Variants in SNX27 observed in about 807,000 individuals in gnomAD.
SNX27 encodes the protein sorting nexin 27, also known as sorting nexin-27.
A neutral mutation model predicts 71.6 loss-of-function variants in SNX27; 22 were observed. That is an observed-to-expected ratio of 0.31 (90% CI 0.22 to 0.44). The LOEUF (loss-of-function observed/expected upper bound fraction) is 0.44, where lower values mean the gene tolerates loss of function less well. SNX27 is among the 20% of genes least tolerant of loss of function. The pLI is 1.00. For synonymous variants in SNX27, 269 were observed against 277.2 expected (o/e 0.97, Z 0.29); for missense variants, 531 against 698.6 (o/e 0.76, Z 2.70).
At chr1:151,660,016 ACTT>A (rs1422108106) in intron 3 of SNX27, 1 of 152,156 alleles carries the variant, frequency 6.6e-6, no homozygotes, top group African/African-American at 2.4e-5. Context: ...AGGTAGTGGA[ACTT>A]CTTTATCTGT....
chr1:151,660,764 G>T, intron 3 of SNX27, 34 bp from the exon 4 acceptor site: 2 of 1,506,622 alleles, frequency 1.3e-6, no homozygotes, highest in South Asian at 2.3e-5. Context: ...TGATTTTAAG[G>T]CCTTATGCCA....
chr1:151,626,044 A>G (rs1280403034), intron 1 of SNX27, among the ~76,000 whole-genome samples: 1 of 152,054 alleles, frequency 6.6e-6, no homozygotes, highest in Non-Finnish European at 1.5e-5. Context: ...CAGGAGAATG[A>G]CATGAACCCA....
intron 2 of SNX27, among the ~76,000 whole-genome samples, chr1:151,657,311 G>T (rs139980192): frequency 1.3e-5 from 2 of 152,138 alleles, no homozygotes; most frequent in East Asian, 1.9e-4. Flanking sequence ...GACTACAGGC[G>T]CATGCCACCA....
chr1:151,653,116 A>G (rs928813877), intron 2 of SNX27, among the ~76,000 whole-genome samples: 4 of 151,928 alleles, frequency 2.6e-5, no homozygotes, highest in Non-Finnish European at 5.9e-5. Flanking sequence ...TAGTAGAGAC[A>G]GGGTTTCTCC....
In SNX27 at chr1:151,698,408, G is replaced by A. The variant is rs1671881912; in HGVS notation, c.*3991G>A. ...TGCTCTCCCTTCTCGCCATCATACT[G>A]TTTGGCTAGATTCATTCAGCAGTAG... On this transcript the variant is annotated 3_prime_UTR_variant, in exon 12 of 12. Transcript: ENST00000458013. The A allele has an allele frequency of 6.6e-6, 1 of 152,632 alleles. No individual in the cohort carries two copies. Among genetic ancestry groups the A allele is most frequent in the African/African-American group, 2.4e-5 (1 of 41,446 alleles). 9.5% of individuals were successfully genotyped at this position (152,632 alleles called of 1,614,324 possible).
At chr1:151,681,038 G>A (rs1297698992) in intron 7 of SNX27, among the ~76,000 whole-genome samples, 7 of 151,876 alleles carry the variant, frequency 4.6e-5, no homozygotes, top group African/African-American at 7.3e-5. Context: ...ATCCTTGTAC[G>A]GTTCTTAGAA....
intron 8 of SNX27, among the ~76,000 whole-genome samples, 163 bp from the exon 9 acceptor site, chr1:151,692,272 G>A (rs987213139): frequency 1.3e-5 from 2 of 152,114 alleles, no homozygotes; most frequent in Non-Finnish European, 2.9e-5. Flanking sequence ...CCAACTTAGA[G>A]ATGGGTGTGA....
chr1:151,688,857 T>G (rs1177911248), intron 8 of SNX27, among the ~76,000 whole-genome samples: 1 of 152,084 alleles, frequency 6.6e-6, no homozygotes, highest in Non-Finnish European at 1.5e-5. Flanking sequence ...GTTTCTTCTT[T>G]GAGGCTTTGT....
intron 1 of SNX27, among the ~76,000 whole-genome samples, chr1:151,623,783 A>G (rs956867599): frequency 1.3e-5 from 2 of 152,136 alleles, no homozygotes; most frequent in African/African-American, 2.4e-5. Context: ...CTAGAACTAT[A>G]GGGTTGCTCT....
chr1:151,666,058 G>A lies in SNX27; in HGVS notation c.985+47G>A, dbSNP rs754214316. 9 of 1,453,040 alleles carry A rather than the reference G, an allele frequency of 6.2e-6. No homozygotes were observed. In the East Asian group the frequency reaches 2.1e-4, roughly 33 times the overall value. 90.0% of individuals were successfully genotyped at this position (1,453,040 alleles called of 1,614,324 possible). A position where few individuals can be genotyped will look rare whatever the true frequency, so the allele number is the denominator to read the frequency against. On this transcript the variant is annotated intron_variant, in intron 6 of 11. Coordinates refer to ENST00000458013, the MANE Select transcript of SNX27 (RefSeq NM_001330723.2). ...TAAGTTTTGTTTTCTAATACTATGA[G>A]AAAGAAACATTTACCTAGAGAAGAG...
chr1:151,656,219 G>C (rs1390433209), intron 2 of SNX27, among the ~76,000 whole-genome samples: 1 of 102,528 alleles, frequency 9.8e-6, no homozygotes, highest in African/African-American at 3.8e-5. Context: ...GCGAGACTCC[G>C]TCTCAAAAAA....
intron 1 of SNX27, among the ~76,000 whole-genome samples, chr1:151,630,171 A>G (rs2997072): frequency 0.94 from 142,751 of 151,808 alleles, 67,631 homozygotes; most frequent in Non-Finnish European, 0.99. Context: ...TAGAAGAAAT[A>G]CTTGAGAGTG....
chr1:151,649,240 G>A (rs911106791), intron 2 of SNX27, among the ~76,000 whole-genome samples: 13 of 151,970 alleles, frequency 8.6e-5, no homozygotes, highest in Admixed American at 5.2e-4. Context: ...GATTACAGAC[G>A]TGAGCCACTG....
Position 151,649,579 on chromosome 1 carries a change from T to C in SNX27, c.544-8656T>C, listed in dbSNP as rs187985462. Among the ~76,000 whole-genome samples the C allele has an allele frequency of 6.8e-4, 103 of 152,326 alleles. 1 individual carries two copies. The highest frequency in any genetic ancestry group is 2.4e-3 in the African/African-American group (99 of 41,582). ...ACCTGGGAGACAGAGCTAAACCCTG[T>C]CTCAATTTAAAACAAAATCACTCCA... is the stretch of plus-strand genomic sequence containing the variant. On this transcript the variant is annotated intron_variant, in intron 2 of 11. Coordinates refer to ENST00000458013, the MANE Select transcript of SNX27 (RefSeq NM_001330723.2).
chr1:151,658,542 C>T, intron 3 of SNX27, 115 bp downstream of exon 3: 1 of 1,041,752 alleles, frequency 9.6e-7, no homozygotes, highest in Non-Finnish European at 1.4e-6. Flanking sequence ...AGTCAGGTTT[C>T]TGACTAAGTA....
rs1445294877 is a variant in SNX27, at chr1:151,692,902, G to A, written c.1390-9G>A. 2 of 1,614,082 alleles carry A rather than the reference G, an allele frequency of 1.2e-6. No homozygotes were observed. Among genetic ancestry groups the A allele is most frequent in the Admixed American group, 1.7e-5 (1 of 60,002 alleles). On this transcript the variant is annotated splice_polypyrimidine_tract_variant and intron_variant, in intron 9 of 11. Transcript: ENST00000458013. ...GACTGTACCTTACTCCCTTGTCTTG[G>A]TTGTCCAGAACCAGGTAATTGCATT...
chr1:151,641,598 G>GATATATATAT (rs56886589), intron 2 of SNX27, among the ~76,000 whole-genome samples: 2,345 of 78,724 alleles, frequency 0.03, 79 homozygotes, highest in East Asian at 0.041. Flanking sequence ...TCCTTTATCA[G>GATATATATAT]ATATATATAT....
At chr1:151,637,485 A>G (rs1367258108) in intron 1 of SNX27, among the ~76,000 whole-genome samples, 1 of 152,158 alleles carries the variant, frequency 6.6e-6, no homozygotes, top group Non-Finnish European at 1.5e-5. Context: ...GCGCCTGATC[A>G]TGTTTTTTGA....
Position 151,694,469 on chromosome 1 carries a change from A to G in SNX27, c.*52A>G. The G allele has an allele frequency of 6.6e-7, 1 of 1,505,866 alleles. No homozygotes were observed. Among genetic ancestry groups the G allele is most frequent in the South Asian group, 1.2e-5 (1 of 80,166 alleles). 93.3% of individuals were successfully genotyped at this position (1,505,866 alleles called of 1,614,324 possible). On this transcript the variant is annotated 3_prime_UTR_variant, in exon 12 of 12. Coordinates refer to ENST00000458013, the MANE Select transcript of SNX27 (RefSeq NM_001330723.2). ...TCACCCCCATCCTCTTACTCCTTTC[A>G]TGTCCCATTTCAGACAGAGTAACCA...
Sources: allele counts gnomAD v4.1 joint callset (sites outside exome capture counted in the v4.1 genomes callset), GRCh38; gene constraint gnomAD v4.1.1; transcripts MANE v1.5; gene names NCBI Gene and HGNC (gene_info 2026-07-23, HGNC 2026-07-21).